NOC3L: variants seen among roughly 807,000 people sequenced by gnomAD.
NOC3L encodes the protein nucleolar complex protein 3 homolog.
A neutral mutation model predicts 102.5 loss-of-function variants in NOC3L; 85 were observed. That is an observed-to-expected ratio of 0.83 (90% CI 0.70 to 0.99). The LOEUF (loss-of-function observed/expected upper bound fraction) is 0.99, where lower values mean the gene tolerates loss of function less well. Among genes scored for constraint, NOC3L ranks in the 50% least tolerant of loss-of-function variants. NOC3L has a pLI of 0.00. For synonymous variants in NOC3L, 303 were observed against 309.4 expected, an observed-to-expected ratio of 0.98 and a Z score of 0.22; for missense variants, 878 against 914.9, an observed-to-expected ratio of 0.96 and a Z score of 0.52.
At chr10:94,328,430 CTTGTT>C (rs911006614), downstream of NOC3L, 18 of 152,812 alleles carry the variant, frequency 1.2e-4, no homozygotes, top group African/African-American at 3.9e-4. Context: ...CACAAATACT[CTTGTT>C]TTGACTTTTT....
intron 6 of NOC3L, among the ~76,000 whole-genome samples, chr10:94,353,512 C>G (rs1394251971): frequency 6.6e-6 from 1 of 152,106 alleles, no homozygotes; most frequent in African/African-American, 2.4e-5. Context: ...CACTTGTTAC[C>G]ACAAGGATGG....
chr10:94,354,907 T>C (rs565954410), intron 6 of NOC3L, 56 bp downstream of exon 6: 1 of 1,539,930 alleles, frequency 6.5e-7, no homozygotes, highest in Admixed American at 1.8e-5. Flanking sequence ...ATCTTAACAA[T>C]TAGGCATTTA....
chr10:94,334,397 A>C (rs2054193480), intron 20 of NOC3L, 92 bp from the exon 21 acceptor site: 1 of 773,936 alleles, frequency 1.3e-6, no homozygotes, highest in Non-Finnish European at 2.1e-6. Context: ...AACAGCTGAC[A>C]CCAACACATG....
chr10:94,356,763 GT>G (rs1050945660), intron 4 of NOC3L, among the ~76,000 whole-genome samples, 172 bp from the exon 5 acceptor site: 12 of 152,060 alleles, frequency 7.9e-5, no homozygotes, highest in African/African-American at 2.2e-4. Flanking sequence ...GCTAGCAGTA[GT>G]TTTTTTTCCT....
chr10:94,352,167 G>A, intron 8 of NOC3L, 143 bp downstream of exon 8: 1 of 521,488 alleles, frequency 1.9e-6, no homozygotes, highest in Non-Finnish European at 3.4e-6. Context: ...GGTGGAGCCA[G>A]GATTTGACCC....
At chr10:94,361,166 G>A (rs900141842) in intron 2 of NOC3L, among the ~76,000 whole-genome samples, 2 of 152,178 alleles carry the variant, frequency 1.3e-5, no homozygotes, top group African/African-American at 4.8e-5. Flanking sequence ...CAAGTTTTGA[G>A]TACTTAATAA....
chr10:94,329,764 G>A (rs979924758), downstream of NOC3L: 4 of 105,388 alleles, frequency 3.8e-5, no homozygotes, highest in Admixed American at 6.3e-4. Flanking sequence ...GTGACAGAGC[G>A]AGACTCCGTC....
intron 2 of NOC3L, among the ~76,000 whole-genome samples, chr10:94,359,365 G>C (rs369520992): frequency 3.6e-4 from 55 of 151,972 alleles, no homozygotes; most frequent in African/African-American, 1.2e-3. Context: ...GGCAGAGATT[G>C]CAATGAGCAG....
chr10:94,322,784 TAAAA>T, the NOC3L span, among the ~76,000 whole-genome samples: 2 of 139,974 alleles, frequency 1.4e-5, no homozygotes, highest in East Asian at 2.0e-4. Context: ...AAACTTCGTC[TAAAA>T]AAAAAAAAAG....
At chr10:94,328,016 T>C in the NOC3L span, 2 of 529,810 alleles carry the variant, frequency 3.8e-6, no homozygotes, top group African/African-American at 1.9e-5. Flanking sequence ...GTGGAAAAAA[T>C]ATAATTATTT....
the NOC3L span, among the ~76,000 whole-genome samples, chr10:94,323,454 C>T: frequency 6.6e-6 from 1 of 152,092 alleles, no homozygotes; most frequent in African/African-American, 2.4e-5. Flanking sequence ...AAGATAAAAG[C>T]CCTTATTTAT....
chr10:94,337,939 A>C, intron 18 of NOC3L, 65 bp from the exon 19 acceptor site: 1 of 1,200,880 alleles, frequency 8.3e-7, no homozygotes, highest in South Asian at 1.3e-5. Flanking sequence ...CACTAGCCAC[A>C]GCAAAGATTT....
chr10:94,337,798 A>AGTGCTCCAGAGCCTTCAGAAG lies in NOC3L; in HGVS notation c.2147_2167dup (p.Pro716_Ala722dup). ...TTACCTTCGACTCAACTCTGGTTTG[A>AGTGCTCCAGAGCCTTCAGAAG]GTGCTCCAGAGCCTTCAGAAGGTGC... On this transcript the variant is annotated inframe_insertion, in exon 19 of 21. Transcript: ENST00000371361. The AGTGCTCCAGAGCCTTCAGAAG allele has an allele frequency of 1.9e-6, 3 of 1,613,342 alleles. No homozygotes were observed. The South Asian group carries it at 3.3e-5, about 18-fold the overall frequency.
the NOC3L span, among the ~76,000 whole-genome samples, chr10:94,319,347 T>C: frequency 2.0e-5 from 3 of 152,220 alleles, no homozygotes; most frequent in Non-Finnish European, 4.4e-5. Flanking sequence ...CAGTAATTAC[T>C]GAATGTAAGA....
chr10:94,351,477 T>C (rs2054417542), intron 8 of NOC3L, among the ~76,000 whole-genome samples: 1 of 152,226 alleles, frequency 6.6e-6, no homozygotes, highest in Non-Finnish European at 1.5e-5. Flanking sequence ...AATTGACTCA[T>C]AAATCCATTT....
Position 94,358,221 on chromosome 10 carries a change from CCA to C in NOC3L, c.218-8_218-7del, listed in dbSNP as rs111938683. ...TTCCCTCTCAATCCTTTTACCTGTA[CCA>C]CACACACACACACACAAAGAAAAAT... On this transcript the variant is annotated splice_polypyrimidine_tract_variant and splice_region_variant and intron_variant, in intron 2 of 20. Transcript: ENST00000371361. 9.9e-3 allele frequency: 11,403 copies of C among 1,154,512 alleles called. No individual in the cohort carries two copies. Among genetic ancestry groups the C allele is most frequent in the South Asian group, 0.013 (1,031 of 76,636 alleles). The allele number at this position is 1,154,512 out of a possible 1,614,324, so 71.5% of individuals were successfully genotyped here.
rs1471660446 is a variant in NOC3L, at chr10:94,354,830, C to A, written c.696+133G>T. 4 of 841,820 alleles carry A rather than the reference C, an allele frequency of 4.8e-6. No individual in the cohort carries two copies. In the African/African-American group the frequency reaches 5.1e-5, roughly 11 times the overall value. The allele number at this position is 841,820 out of a possible 1,614,324, so 52.1% of individuals were successfully genotyped here. ...AGCTAAGATTCTGTCTACTCTCTTA[C>A]TCTAACCCAGCTACTATGTTTAGTT... On this transcript the variant is annotated intron_variant, in intron 6 of 20. Coordinates refer to ENST00000371361, the MANE Select transcript of NOC3L (RefSeq NM_022451.11).
rs1263930389 is a variant in NOC3L at position 94,334,204 on chromosome 10, C to T, written c.2376G>A (p.Thr792=). 4.5e-6 allele frequency: 7 copies of T among 1,566,116 alleles called. No homozygotes were observed. Among genetic ancestry groups the T allele is most frequent in the South Asian group, 1.1e-5 (1 of 89,598 alleles). ...AGTGTAGTGATGTTTTCAAATATTT[C>T]GTGAAATCCAGAGGCGATTCAGTAG... ...EVATESPLDF[T]KYLKTSLH is the part of the protein sequence containing the mutation. The change falls in exon 21 of 21, where the codon ACG becomes ACA. Residue 792 remains threonine, a synonymous_variant. Transcript: ENST00000371361.
intron 19 of NOC3L, among the ~76,000 whole-genome samples, chr10:94,336,340 G>C (rs1437777604): frequency 6.6e-6 from 1 of 151,040 alleles, no homozygotes; most frequent in Admixed American, 6.6e-5. Flanking sequence ...AGAATTCTGA[G>C]AAAATAAATT....
Sources: gnomAD v4.1 joint callset for allele counts (sites outside exome capture counted in the v4.1 genomes callset) on GRCh38, gnomAD v4.1.1 for gene constraint, MANE v1.5 for transcripts, NCBI Gene and HGNC (gene_info 2026-07-23, HGNC 2026-07-21) for gene names.